LRRC8D: variants seen among roughly 807,000 people sequenced by gnomAD.
The protein encoded by LRRC8D is volume-regulated anion channel subunit LRRC8D.
Under a neutral mutation model 55.8 loss-of-function variants are expected in LRRC8D, and 20 were observed. The observed-to-expected ratio is 0.36, with a 90% CI of 0.25 to 0.52. The LOEUF is 0.52. Ranked by LOEUF, LRRC8D falls within the 20% of genes least tolerant of loss-of-function variation. The pLI is 0.93. For synonymous variants in LRRC8D, 352 were observed against 377.0 expected (o/e 0.93, Z 0.77); for missense variants, 651 against 1,030.8 (o/e 0.63, Z 5.05).
intron 2 of LRRC8D, among the ~76,000 whole-genome samples, chr1:89,857,926 A>C (rs2100785207): frequency 6.6e-6 from 1 of 152,218 alleles, no homozygotes; most frequent in South Asian, 2.1e-4. Context: ...GCACTTGAAA[A>C]CCACTTTAAG....
chr1:89,868,528 C>T (rs1409783755), intron 2 of LRRC8D, among the ~76,000 whole-genome samples: 2 of 151,906 alleles, frequency 1.3e-5, no homozygotes, highest in Admixed American at 6.6e-5. Flanking sequence ...AGCATATTCC[C>T]CCACCCCCCA....
chr1:89,863,439 TC>T (rs1197955125), intron 2 of LRRC8D, among the ~76,000 whole-genome samples: 1 of 152,206 alleles, frequency 6.6e-6, no homozygotes, highest in Non-Finnish European at 1.5e-5. Context: ...CCTGGGAACC[TC>T]AGTTTCTTTT....
intron 2 of LRRC8D, among the ~76,000 whole-genome samples, chr1:89,848,178 G>A (rs1661327258): frequency 6.6e-6 from 1 of 152,192 alleles, no homozygotes; most frequent in Admixed American, 6.5e-5. Context: ...TTTGCAGTTA[G>A]TCATGGATAA....
intron 2 of LRRC8D, among the ~76,000 whole-genome samples, chr1:89,920,620 C>T (rs1663388381): frequency 6.8e-6 from 1 of 147,888 alleles, no homozygotes; most frequent in Non-Finnish European, 1.5e-5. Flanking sequence ...ATTATATCAG[C>T]TATAGAGTAT....
At position 89,933,896 on chromosome 1, in the gene LRRC8D, G is replaced by T. The variant is rs991787038; in HGVS notation, c.828G>T (p.Leu276=). The T allele has an allele frequency of 6.2e-7, 1 of 1,613,746 alleles. No individual in the cohort carries two copies. Among genetic ancestry groups the T allele is most frequent in the African/African-American group, 1.3e-5 (1 of 75,032 alleles). The change falls in exon 3 of 3, where the codon CTG becomes CTT. Residue 276 remains leucine (L), a synonymous_variant. Transcript: ENST00000337338. The surrounding 1 kb of genome is among the most constrained non-coding windows in gnomAD (Gnocchi z 7.0). ...TTGAAGTTCCCAGCATGACAATCCTGGATAAAAAGGATGGAGAGCAGGCCA... is the reference window on the plus strand; with the variant it reads ...TTGAAGTTCCCAGCATGACAATCCTTGATAAAAAGGATGGAGAGCAGGCCA... The part of the protein sequence containing the change: ...PVIEVPSMTI[L]DKKDGEQAKA...
intron 2 of LRRC8D, among the ~76,000 whole-genome samples, chr1:89,848,088 A>G (rs1229003077): frequency 6.6e-6 from 1 of 152,202 alleles, no homozygotes; most frequent in Non-Finnish European, 1.5e-5. Context: ...TTGTACATTA[A>G]AAGGATGATG....
chr1:89,848,844 C>T (rs1557448875), intron 2 of LRRC8D, among the ~76,000 whole-genome samples: 3 of 152,124 alleles, frequency 2.0e-5, no homozygotes, highest in East Asian at 1.9e-4. Context: ...GGATTACAGG[C>T]GCCCACCACC....
intron 2 of LRRC8D, among the ~76,000 whole-genome samples, chr1:89,930,737 G>A (rs1663686181): frequency 6.6e-6 from 1 of 151,486 alleles, no homozygotes. Context: ...TGTGAAGTAA[G>A]AGTCATTCTG....
At chr1:89,823,318 C>T (rs183348956) in intron 1 of LRRC8D, among the ~76,000 whole-genome samples, 2 of 151,998 alleles carry the variant, frequency 1.3e-5, no homozygotes, top group Non-Finnish European at 2.9e-5. Flanking sequence ...AAACTTGGCC[C>T]TTTTTTTCTC....
At chr1:89,872,853 T>C (rs915346853) in intron 2 of LRRC8D, among the ~76,000 whole-genome samples, 1 of 152,238 alleles carries the variant, frequency 6.6e-6, no homozygotes. Flanking sequence ...AAAGCTTTCA[T>C]GAATGCTTTT....
intron 2 of LRRC8D, among the ~76,000 whole-genome samples, chr1:89,917,679 A>T (rs17130930): frequency 0.017 from 2,652 of 152,150 alleles, 73 homozygotes; most frequent in African/African-American, 0.061. Flanking sequence ...ACACCCCATT[A>T]TGCACTTTCA....
chr1:89,870,151 C>G (rs1253087544), intron 2 of LRRC8D, among the ~76,000 whole-genome samples: 3 of 151,658 alleles, frequency 2.0e-5, no homozygotes, highest in Non-Finnish European at 2.9e-5. Flanking sequence ...TCATATCCAG[C>G]CAAAGTAAGC....
At chr1:89,896,505 G>A (rs1662717364) in intron 2 of LRRC8D, among the ~76,000 whole-genome samples, 1 of 152,144 alleles carries the variant, frequency 6.6e-6, no homozygotes, top group Non-Finnish European at 1.5e-5. Context: ...ACACACAGTG[G>A]CTTGGCAGGG....
intron 2 of LRRC8D, among the ~76,000 whole-genome samples, chr1:89,883,756 G>C (rs1162817589): frequency 6.6e-6 from 1 of 152,202 alleles, no homozygotes; most frequent in Non-Finnish European, 1.5e-5. Flanking sequence ...ACATATTGAT[G>C]ATCAGACAGA....
In LRRC8D at chr1:89,869,712, A is replaced by G. The variant is rs562763950; in HGVS notation, c.-3+25930A>G. ...AAATGTTAAGGGCAACCAGAGAGAA[A>G]GGTCGGGTTACCCACAAAGGGAAGC... is the stretch of plus-strand genomic sequence containing the variant. On this transcript the variant is annotated intron_variant, in intron 2 of 2. Transcript: ENST00000337338. 1.3e-3 allele frequency among the ~76,000 whole-genome samples: 193 copies of G among 152,336 alleles called. 1 individual carries two copies. The highest frequency in any genetic ancestry group is 4.2e-3 in the African/African-American group (173 of 41,574).
intron 2 of LRRC8D, among the ~76,000 whole-genome samples, chr1:89,896,549 G>A (rs1218588982): frequency 2.0e-5 from 3 of 152,062 alleles, no homozygotes; most frequent in African/African-American, 7.2e-5. Flanking sequence ...CACAGGTGAG[G>A]GGTGTTCAGG....
intron 2 of LRRC8D, among the ~76,000 whole-genome samples, chr1:89,850,652 C>CT (rs772469186): frequency 1.3e-5 from 2 of 152,192 alleles, no homozygotes; most frequent in African/African-American, 2.4e-5. Context: ...GAATACTACT[C>CT]CTTGGTGTAT....
intron 2 of LRRC8D, among the ~76,000 whole-genome samples, chr1:89,923,949 A>G (rs753966344): frequency 2.0e-5 from 3 of 152,272 alleles, no homozygotes; most frequent in Non-Finnish European, 4.4e-5. Flanking sequence ...TAAAGGACTT[A>G]AAGGTAAGAC....
chr1:89,880,656 A>C (rs757429081), intron 2 of LRRC8D, among the ~76,000 whole-genome samples: 1 of 151,592 alleles, frequency 6.6e-6, no homozygotes, highest in Non-Finnish European at 1.5e-5. Flanking sequence ...TAAAGCAGCA[A>C]CTCTTGCCCA....
Sources: allele counts gnomAD v4.1 joint callset (sites outside exome capture counted in the v4.1 genomes callset), GRCh38; gene constraint gnomAD v4.1.1; non-coding constraint Gnocchi (gnomAD v3.1); transcripts MANE v1.5; gene names NCBI Gene and HGNC (gene_info 2026-07-23, HGNC 2026-07-21).